Variants in AGPAT4 observed in about 807,000 individuals in gnomAD.
The protein encoded by AGPAT4 is 1-acylglycerol-3-phosphate O-acyltransferase 4, also known as 1-acyl-sn-glycerol-3-phosphate acyltransferase delta.
In AGPAT4, 15 loss-of-function variants were observed where a neutral mutation model predicts 48.0. The observed-to-expected ratio is 0.31, with a 90% CI of 0.21 to 0.48. The LOEUF is 0.48. AGPAT4 is among the 20% of genes least tolerant of loss of function. The pLI is 0.99. For missense variants in AGPAT4, 314 were observed against 482.5 expected, an observed-to-expected ratio of 0.65 and a Z score of 3.27; for synonymous variants, 178 against 198.7, an observed-to-expected ratio of 0.90 and a Z score of 0.88.
chr6:161,267,495 C>T lies in AGPAT4; in HGVS notation c.-90+6443G>A, dbSNP rs547227430. ...TTGGGAGGCCACACTGGGCAGATTG[C>T]TTGAAGTCAGGAGTTCGAGACCAGC... On this transcript the variant is annotated intron_variant, in intron 1 of 8. Coordinates refer to ENST00000320285, the MANE Select transcript of AGPAT4 (RefSeq NM_020133.3). The surrounding 1 kb of genome is among the most constrained non-coding windows in gnomAD (Gnocchi z 5.2). Among the ~76,000 whole-genome samples, 1 of 152,092 alleles carries T rather than the reference C, an allele frequency of 6.6e-6. No homozygotes were observed. Among genetic ancestry groups the T allele is most frequent in the Non-Finnish European group, 1.5e-5 (1 of 68,014 alleles).
intron 2 of AGPAT4, among the ~76,000 whole-genome samples, chr6:161,224,960 G>A (rs560133450): frequency 1.3e-5 from 2 of 151,966 alleles, no homozygotes; most frequent in East Asian, 1.9e-4. Context: ...TAACTTCCTC[G>A]TAAAGCAACC....
rs762110468 is a variant in AGPAT4 at position 161,202,320 on chromosome 6, C to T, written c.178+29716G>A. Among the ~76,000 whole-genome samples, 58 of 151,996 alleles carry T rather than the reference C, an allele frequency of 3.8e-4. No individual in the cohort carries two copies. Among genetic ancestry groups the T allele is most frequent in the Admixed American group, 1.0e-3 (16 of 15,264 alleles). ...TGGCTATTGGCTGTAGATCTCAATT[C>T]CTCTTCTCATGGGCCCGTCTGAGTG... is the stretch of plus-strand genomic sequence containing the variant. On this transcript the variant is annotated intron_variant, in intron 2 of 8. Coordinates refer to ENST00000320285, the MANE Select transcript of AGPAT4 (RefSeq NM_020133.3). The surrounding 1 kb of genome is among the most constrained non-coding windows in gnomAD (Gnocchi z 5.4).
rs928403304 is a variant in AGPAT4 at position 161,267,987 on chromosome 6, G to A, written c.-90+5951C>T. Among the ~76,000 whole-genome samples the A allele has an allele frequency of 1.3e-5, 2 of 152,324 alleles. No individual in the cohort carries two copies. Among genetic ancestry groups the A allele is most frequent in the African/African-American group, 4.8e-5 (2 of 41,578 alleles). On this transcript the variant is annotated intron_variant, in intron 1 of 8. Coordinates refer to ENST00000320285, the MANE Select transcript of AGPAT4 (RefSeq NM_020133.3). The surrounding 1 kb of genome is among the most constrained non-coding windows in gnomAD (Gnocchi z 5.2). The stretch of plus-strand genomic sequence containing the variant: ...GAGACAGACTGTGGAATATGCCATG[G>A]CAAGGTGTGAAGGTACAGGGGAAAG...
chr6:161,214,561 T>C lies in AGPAT4; in HGVS notation c.178+17475A>G, dbSNP rs1470467630. Among the ~76,000 whole-genome samples, 1 of 151,780 alleles carries C rather than the reference T, an allele frequency of 6.6e-6. No individual in the cohort carries two copies. Among genetic ancestry groups the C allele is most frequent in the Non-Finnish European group, 1.5e-5 (1 of 67,926 alleles). On this transcript the variant is annotated intron_variant, in intron 2 of 8. Transcript: ENST00000320285. The surrounding 1 kb of genome is among the most constrained non-coding windows in gnomAD (Gnocchi z 5.4). ...CAGGCGGATCAATTGAAGTCAGGAG[T>C]TCGAGACCAGCCTAGCCAACATGGT...
intron 7 of AGPAT4, among the ~76,000 whole-genome samples, chr6:161,145,402 AG>A (rs1583278121): frequency 6.6e-6 from 1 of 151,644 alleles, no homozygotes; most frequent in East Asian, 1.9e-4. Flanking sequence ...TAACCTACAT[AG>A]GAAAGAGGCC....
chr6:161,198,271 T>C lies in AGPAT4; in HGVS notation c.179-31854A>G, dbSNP rs1345242657. Among the ~76,000 whole-genome samples the C allele has an allele frequency of 1.3e-5, 2 of 152,252 alleles. No homozygotes were observed. Among genetic ancestry groups the C allele is most frequent in the Non-Finnish European group, 2.9e-5 (2 of 68,050 alleles). On this transcript the variant is annotated intron_variant, in intron 2 of 8. Transcript: ENST00000320285. This position sits in a 1 kb window ranked among gnomAD's most constrained non-coding sequence, Gnocchi z 4.3. ...TACGTAAATATAATCTCAAGTAATT[T>C]TTCATGCTTTGGCAAGTGGCTCTCA... is the stretch of plus-strand genomic sequence containing the variant.
chr6:161,153,998 T>C, intron 4 of AGPAT4, 151 bp downstream of exon 4: 1 of 1,000,334 alleles, frequency 1.0e-6, no homozygotes, highest in Non-Finnish European at 1.5e-6. Flanking sequence ...GTCACATACA[T>C]CCCTGAGGTT....
chr6:161,227,242 T>C lies in AGPAT4; in HGVS notation c.178+4794A>G, dbSNP rs943903782. ...CTAGTAGGTCTCCTTTTATGACTCA[T>C]GTGCCAAAGACTGCTCTGTCCCACT... is the stretch of plus-strand genomic sequence containing the variant. On this transcript the variant is annotated intron_variant, in intron 2 of 8. Transcript: ENST00000320285. Among the ~76,000 whole-genome samples, 3 of 152,226 alleles carry C rather than the reference T, an allele frequency of 2.0e-5. No homozygotes were observed. The South Asian group carries it at 6.2e-4, about 32-fold the overall frequency.
Position 161,141,417 on chromosome 6 carries a change from A to G in AGPAT4, c.844-1797T>C, listed in dbSNP as rs1779245481. On this transcript the variant is annotated intron_variant, in intron 7 of 8. Coordinates refer to ENST00000320285, the MANE Select transcript of AGPAT4 (RefSeq NM_020133.3). This position sits in a 1 kb window ranked among gnomAD's most constrained non-coding sequence, Gnocchi z 6.7. ...TGGAGGAGACAAGGAGGTGAGCACC[A>G]TGACGGTCAGCAGCACAGGCAATGC... 6.6e-6 allele frequency among the ~76,000 whole-genome samples: 1 copy of G among 152,130 alleles called. No individual in the cohort carries two copies. The highest frequency in any genetic ancestry group is 6.5e-5 in the Admixed American group (1 of 15,276).
In AGPAT4 at chr6:161,133,610, G is replaced by C. The variant is rs1406450438; in HGVS notation, c.*2930C>G. 6.6e-6 allele frequency: 1 copy of C among 152,206 alleles called. No individual in the cohort carries two copies. Among genetic ancestry groups the C allele is most frequent in the African/African-American group, 2.4e-5 (1 of 41,428 alleles). 9.4% of individuals were successfully genotyped at this position (152,206 alleles called of 1,614,324 possible). On this transcript the variant is annotated 3_prime_UTR_variant, in exon 9 of 9. Transcript: ENST00000320285. ...TCTTTTTAAGAGTCCCCGTGGGCTG[G>C]CTTTCCTGGAAGAAGTCCATTAAAT...
In AGPAT4 at chr6:161,196,290, T is replaced by C. The variant is rs1583320351; in HGVS notation, c.179-29873A>G. Among the ~76,000 whole-genome samples the C allele has an allele frequency of 6.6e-6, 1 of 151,850 alleles. No individual in the cohort carries two copies. The highest frequency in any genetic ancestry group is 6.6e-5 in the Admixed American group (1 of 15,258). On this transcript the variant is annotated intron_variant, in intron 2 of 8. Coordinates refer to ENST00000320285, the MANE Select transcript of AGPAT4 (RefSeq NM_020133.3). This position sits in a 1 kb window ranked among gnomAD's most constrained non-coding sequence, Gnocchi z 4.3. Reference sequence around the variant, plus strand: ...GCTGGAGGGAAATCTGCAGAAAAGGTGTCCTGGAAACTATGAAAGTGTTTG... The same window carrying C: ...GCTGGAGGGAAATCTGCAGAAAAGGCGTCCTGGAAACTATGAAAGTGTTTG...
chr6:161,222,594 T>A lies in AGPAT4; in HGVS notation c.178+9442A>T, dbSNP rs536277883. On this transcript the variant is annotated intron_variant, in intron 2 of 8. Coordinates refer to ENST00000320285, the MANE Select transcript of AGPAT4 (RefSeq NM_020133.3). This position sits in a 1 kb window ranked among gnomAD's most constrained non-coding sequence, Gnocchi z 5.9. Reference sequence around the variant, plus strand: ...TGAACAGATTTTTTTTTTTTTCAAATTCCAATTAACAGTTTCTCAAGGCAC... The same window carrying A: ...TGAACAGATTTTTTTTTTTTTCAAAATCCAATTAACAGTTTCTCAAGGCAC... 1.3e-5 allele frequency among the ~76,000 whole-genome samples: 2 copies of A among 152,190 alleles called. No individual in the cohort carries two copies. Among genetic ancestry groups the A allele is most frequent in the South Asian group, 2.1e-4 (1 of 4,816 alleles).
chr6:161,165,721 G>GT lies in AGPAT4; in HGVS notation c.348+526_348+527insA. On this transcript the variant is annotated intron_variant, in intron 3 of 8. Transcript: ENST00000320285. The surrounding 1 kb of genome is among the most constrained non-coding windows in gnomAD (Gnocchi z 5.5). ...TACGTGCAAGAGGTCAAACTAGTTG[G>GT]GAAAAAAAAAAAACAGAATTTCAGA... 3 of 899,866 alleles carry GT rather than the reference G, an allele frequency of 3.3e-6. No individual in the cohort carries two copies. Among genetic ancestry groups the GT allele is most frequent in the Non-Finnish European group, 4.8e-6 (3 of 624,360 alleles). The allele number at this position is 899,866 out of a possible 1,614,324, so 55.7% of individuals were successfully genotyped here. A position where few individuals can be genotyped will look rare whatever the true frequency, so the allele number is the denominator to read the frequency against.
chr6:161,175,982 T>C (rs972887629), intron 2 of AGPAT4, among the ~76,000 whole-genome samples: 1 of 152,252 alleles, frequency 6.6e-6, no homozygotes, highest in African/African-American at 2.4e-5. Flanking sequence ...TCTAGTTTGA[T>C]TGCACTGTGG....
At position 161,197,469 on chromosome 6, in the gene AGPAT4, A is replaced by G. The variant is rs1781101206; in HGVS notation, c.179-31052T>C. On this transcript the variant is annotated intron_variant, in intron 2 of 8. Transcript: ENST00000320285. This position sits in a 1 kb window ranked among gnomAD's most constrained non-coding sequence, Gnocchi z 5.7. ...CCTCTGGGAAATCTTCCACAGTGAT[A>G]GCTGCCTCTTCCGACTCCCAAATGC... Among the ~76,000 whole-genome samples, 1 of 152,184 alleles carries G rather than the reference A, an allele frequency of 6.6e-6. No homozygotes were observed. The highest frequency in any genetic ancestry group is 2.1e-4 in the South Asian group (1 of 4,820).
chr6:161,219,637 G>T lies in AGPAT4; in HGVS notation c.178+12399C>A, dbSNP rs548125794. Among the ~76,000 whole-genome samples, 1 of 152,262 alleles carries T rather than the reference G, an allele frequency of 6.6e-6. No homozygotes were observed. The highest frequency in any genetic ancestry group is 1.9e-4 in the East Asian group (1 of 5,192). On this transcript the variant is annotated intron_variant, in intron 2 of 8. Coordinates refer to ENST00000320285, the MANE Select transcript of AGPAT4 (RefSeq NM_020133.3). This position sits in a 1 kb window ranked among gnomAD's most constrained non-coding sequence, Gnocchi z 4.9. ...GAATTAATTTATTTATAAACCATAT[G>T]AATAGCTAAGACAACTTGACTTAAG...
rs1779853596 is a variant in AGPAT4 at position 161,159,298 on chromosome 6, G to C, written c.349-4988C>G. Among the ~76,000 whole-genome samples, 1 of 152,168 alleles carries C rather than the reference G, an allele frequency of 6.6e-6. No individual in the cohort carries two copies. The highest frequency in any genetic ancestry group is 1.5e-5 in the Non-Finnish European group (1 of 68,036). On this transcript the variant is annotated intron_variant, in intron 3 of 8. Coordinates refer to ENST00000320285, the MANE Select transcript of AGPAT4 (RefSeq NM_020133.3). This position sits in a 1 kb window ranked among gnomAD's most constrained non-coding sequence, Gnocchi z 4.1. Reference sequence around the variant, plus strand: ...CCCAAGGCTGCTCTGTCTGTGCAAAGGTATTGATTAAGAAGCCCCCTATGC... The same window carrying C: ...CCCAAGGCTGCTCTGTCTGTGCAAACGTATTGATTAAGAAGCCCCCTATGC...
Position 161,189,718 on chromosome 6 carries a change from C to T in AGPAT4, c.179-23301G>A, listed in dbSNP as rs1471345034. 6.6e-6 allele frequency among the ~76,000 whole-genome samples: 1 copy of T among 152,130 alleles called. No individual in the cohort carries two copies. ...TTCCACCTCACTGTCTCCACCTGCC[C>T]CTTCCTCACCCACCGCCCTCCTAAC... On this transcript the variant is annotated intron_variant, in intron 2 of 8. Coordinates refer to ENST00000320285, the MANE Select transcript of AGPAT4 (RefSeq NM_020133.3). This position sits in a 1 kb window ranked among gnomAD's most constrained non-coding sequence, Gnocchi z 5.3.
chr6:161,224,968 A>G (rs1440284200), intron 2 of AGPAT4, among the ~76,000 whole-genome samples: 2 of 152,144 alleles, frequency 1.3e-5, no homozygotes, highest in African/African-American at 2.4e-5. Context: ...TCGTAAAGCA[A>G]CCTGTTTCGA....
Sources: gnomAD v4.1 joint callset for allele counts (sites outside exome capture counted in the v4.1 genomes callset) on GRCh38, gnomAD v4.1.1 for gene constraint, Gnocchi (gnomAD v3.1) non-coding constraint, MANE v1.5 for transcripts, NCBI Gene and HGNC (gene_info 2026-07-23, HGNC 2026-07-21) for gene names.